PNPT1: variants seen among roughly 807,000 people sequenced by gnomAD.
PNPT1 encodes the protein polyribonucleotide nucleotidyltransferase 1, mitochondrial.
A neutral mutation model predicts 119.5 loss-of-function variants in PNPT1; 53 were observed. The observed-to-expected ratio is 0.44, with a 90% CI of 0.36 to 0.56. The LOEUF (loss-of-function observed/expected upper bound fraction) is 0.56. Ranked by LOEUF, PNPT1 falls within the 20% of genes least tolerant of loss-of-function variation. The pLI, the probability that PNPT1 is intolerant of heterozygous loss-of-function variation, is 0.00. For synonymous variants in PNPT1, 357 were observed against 322.1 expected, an observed-to-expected ratio of 1.11 and a Z score of -1.16; for missense variants, 948 against 938.5, an observed-to-expected ratio of 1.01 and a Z score of -0.13.
intron 1 of PNPT1, among the ~76,000 whole-genome samples, chr2:55,689,979 G>A (rs1331746648): frequency 6.6e-6 from 1 of 152,024 alleles, no homozygotes; most frequent in South Asian, 2.1e-4. Flanking sequence ...GCACCACCAT[G>A]CTGGGCTAAT....
At position 55,671,394 on chromosome 2, in the gene PNPT1, T is replaced by C; in HGVS notation, c.919-18A>G. ...CTGGAAACCTAAAAGAAAGTTGAGG[T>C]TCAGTTATTACATATACATGACAAC... is the stretch of plus-strand genomic sequence containing the variant. On this transcript the variant is annotated intron_variant, in intron 10 of 27. Transcript: ENST00000447944. 1 of 1,483,310 alleles carries C rather than the reference T, an allele frequency of 6.7e-7. No individual in the cohort carries two copies. Among genetic ancestry groups the C allele is most frequent in the Non-Finnish European group, 9.1e-7 (1 of 1,095,184 alleles). 91.9% of individuals were successfully genotyped at this position (1,483,310 alleles called of 1,614,324 possible). A position where few individuals can be genotyped will look rare whatever the true frequency, so the allele number is the denominator to read the frequency against.
chr2:55,682,587 A>G (rs1022164281), intron 5 of PNPT1, among the ~76,000 whole-genome samples: 1 of 152,174 alleles, frequency 6.6e-6, no homozygotes, highest in Non-Finnish European at 1.5e-5. Flanking sequence ...ATACTGCAAT[A>G]ATGTGCCTAT....
At chr2:55,643,873 A>G (rs1446257601) in intron 23 of PNPT1, among the ~76,000 whole-genome samples, 1 of 152,236 alleles carries the variant, frequency 6.6e-6, no homozygotes, top group Non-Finnish European at 1.5e-5. Flanking sequence ...GAAGGAATTC[A>G]TTCATCAACA....
intron 18 of PNPT1, among the ~76,000 whole-genome samples, chr2:55,650,235 T>C (rs1428616545): frequency 6.6e-6 from 1 of 152,190 alleles, no homozygotes; most frequent in Non-Finnish European, 1.5e-5. Flanking sequence ...AGCTGGACGG[T>C]ACTGCTGCCT....
At chr2:55,691,876 A>AT (rs1475795171) in intron 1 of PNPT1, among the ~76,000 whole-genome samples, 216 of 18,480 alleles carry the variant, frequency 0.012, 1 homozygote, top group Admixed American at 0.034. Context: ...ATATATATAT[A>AT]TATTTTTTTT....
At chr2:55,640,055 A>T (rs1695790515) in intron 26 of PNPT1, among the ~76,000 whole-genome samples, 2 of 152,094 alleles carry the variant, frequency 1.3e-5, no homozygotes, top group African/African-American at 4.8e-5. Flanking sequence ...TATTATTTCT[A>T]GTTTTTGTTT....
chr2:55,671,561 C>T (rs1489267505), intron 10 of PNPT1, among the ~76,000 whole-genome samples, 185 bp from the exon 11 acceptor site: 1 of 152,160 alleles, frequency 6.6e-6, no homozygotes, highest in Admixed American at 6.5e-5. Context: ...TACATTTGTA[C>T]ACTCCCCTAA....
intron 1 of PNPT1, among the ~76,000 whole-genome samples, chr2:55,689,371 C>A (rs574626425): frequency 3.9e-5 from 6 of 152,156 alleles, no homozygotes; most frequent in South Asian, 2.1e-4. Flanking sequence ...AAATACAAAT[C>A]CAAATCACAG....
chr2:55,644,403 A>G (rs986810343), intron 23 of PNPT1, among the ~76,000 whole-genome samples: 1 of 152,230 alleles, frequency 6.6e-6, no homozygotes, highest in Non-Finnish European at 1.5e-5. Flanking sequence ...GTTGCAAAAA[A>G]GTCCTGATGA....
At position 55,647,333 on chromosome 2, in the gene PNPT1, G is replaced by C. The variant is rs576201358; in HGVS notation, c.1602+14C>G. The C allele has an allele frequency of 5.1e-6, 8 of 1,557,910 alleles. No homozygotes were observed. The highest frequency in any genetic ancestry group is 7.0e-6 in the Non-Finnish European group (8 of 1,148,534). On this transcript the variant is annotated intron_variant, in intron 19 of 27. Transcript: ENST00000447944. The stretch of plus-strand genomic sequence containing the variant: ...TCTTCATTATTAAATATTTGAAACC[G>C]AGAATATACTTGCCAAAATATCTGT...
intron 15 of PNPT1, among the ~76,000 whole-genome samples, chr2:55,656,952 C>T (rs966254606): frequency 5.9e-5 from 9 of 152,176 alleles, no homozygotes. Flanking sequence ...TGGTTGCAAA[C>T]TGTTTTATTT....
At chr2:55,637,055 A>G (rs955371178) in intron 27 of PNPT1, among the ~76,000 whole-genome samples, 1 of 152,244 alleles carries the variant, frequency 6.6e-6, no homozygotes, top group African/African-American at 2.4e-5. Context: ...AATGTGGTGG[A>G]GCCCGAAAAA....
chr2:55,673,136 A>C, intron 8 of PNPT1, 57 bp from the exon 9 acceptor site: 1 of 1,335,430 alleles, frequency 7.5e-7, no homozygotes, highest in Non-Finnish European at 1.0e-6. Flanking sequence ...TAGTAATATA[A>C]CATTTTCAAA....
chr2:55,642,553 C>G (rs1473326583), intron 25 of PNPT1, among the ~76,000 whole-genome samples: 1 of 134,958 alleles, frequency 7.4e-6, no homozygotes, highest in Non-Finnish European at 1.5e-5. Context: ...TTGCAGTGAG[C>G]TGAGATCGCA....
chr2:55,639,423 C>T (rs1182066347), intron 26 of PNPT1, among the ~76,000 whole-genome samples: 2 of 152,170 alleles, frequency 1.3e-5, no homozygotes, highest in Non-Finnish European at 2.9e-5. Flanking sequence ...TCCCAATTCA[C>T]ACCCCCATCA....
At chr2:55,686,096 T>C (rs1476273576) in intron 3 of PNPT1, among the ~76,000 whole-genome samples, 1 of 152,166 alleles carries the variant, frequency 6.6e-6, no homozygotes, top group Admixed American at 6.5e-5. Flanking sequence ...GGGCAATGAA[T>C]TCATTGCTTA....
At chr2:55,652,435 C>A (rs773899316) in intron 18 of PNPT1, among the ~76,000 whole-genome samples, 2 of 152,004 alleles carry the variant, frequency 1.3e-5, no homozygotes, top group Non-Finnish European at 2.9e-5. Context: ...ATTTTTTTAT[C>A]CTGCTCAATT....
At chr2:55,677,048 G>C (rs1331778492) in intron 8 of PNPT1, among the ~76,000 whole-genome samples, 1 of 152,188 alleles carries the variant, frequency 6.6e-6, no homozygotes, top group African/African-American at 2.4e-5. Context: ...CTTTATGAAA[G>C]CAGAGAGAGC....
At chr2:55,671,495 A>T in intron 10 of PNPT1, 119 bp from the exon 11 acceptor site, 1 of 558,128 alleles carries the variant, frequency 1.8e-6, no homozygotes, top group South Asian at 3.8e-5. Flanking sequence ...ATATTCTTTA[A>T]AATATTGGAA....
Sources: gnomAD v4.1 joint callset for allele counts (sites outside exome capture counted in the v4.1 genomes callset) on GRCh38, gnomAD v4.1.1 for gene constraint, MANE v1.5 for transcripts, NCBI Gene and HGNC (gene_info 2026-07-23, HGNC 2026-07-21) for gene names.